The following TAF4 variants were observed in gnomAD, a reference collection of about 807,000 sequenced individuals.
TAF4 encodes TATA-box binding protein associated factor 4.
Under a neutral mutation model 90.3 loss-of-function variants are expected in TAF4, and 9 were observed. The observed-to-expected ratio is 0.10, with a 90% CI of 0.06 to 0.17. TAF4 has a LOEUF of 0.17. TAF4 is among the 10% of genes least tolerant of loss of function. The pLI, the probability that TAF4 is intolerant of heterozygous loss-of-function variation, is 1.00. For missense variants in TAF4, 1,351 were observed against 1,370.7 expected, an observed-to-expected ratio of 0.99 and a Z score of 0.23; for synonymous variants, 818 against 638.9, an observed-to-expected ratio of 1.28 and a Z score of -4.23.
intron 1 of TAF4, among the ~76,000 whole-genome samples, chr20:62,032,488 A>G (rs2055909901): frequency 6.6e-6 from 1 of 152,262 alleles, no homozygotes; most frequent in Non-Finnish European, 1.5e-5. Context: ...TCGGGGCCAC[A>G]GGCAGCGCCT....
chr20:62,023,016 T>C (rs1398313056), intron 1 of TAF4, among the ~76,000 whole-genome samples: 1 of 152,198 alleles, frequency 6.6e-6, no homozygotes, highest in Non-Finnish European at 1.5e-5. Flanking sequence ...AGTTAAGATG[T>C]CAACTCCTCC....
intron 11 of TAF4, among the ~76,000 whole-genome samples, chr20:61,999,632 GAGAGAGGC>G (rs2055685923): frequency 6.6e-6 from 1 of 152,178 alleles, no homozygotes; most frequent in South Asian, 2.1e-4. Context: ...ATGGCCCAGA[GAGAGAGGC>G]AGGTGCCTTC....
At chr20:62,056,719 G>A (rs1041812435) in intron 1 of TAF4, among the ~76,000 whole-genome samples, 13 of 152,056 alleles carry the variant, frequency 8.5e-5, no homozygotes, top group East Asian at 3.8e-4. Flanking sequence ...GAGACACCCC[G>A]AAATTTTAGC....
intron 14 of TAF4, among the ~76,000 whole-genome samples, chr20:61,991,680 T>TACA (rs1404743682): frequency 6.6e-6 from 1 of 151,554 alleles, no homozygotes; most frequent in African/African-American, 2.4e-5. Context: ...GCAAAGAAGA[T>TACA]ACAACACGTG....
In TAF4 at chr20:62,065,131, G is replaced by T. The variant is rs527409295; in HGVS notation, c.680C>A (p.Pro227Gln). ...LVNNGPAALL[P>Q]LPKPAAPGTV... ...GCCGGGGGCGGCGGGCTTGGGCAGC[G>T]GCAGCAGCGCGGCGGGCCCGTTGTT... The change falls in exon 1 of 15, where the codon CCG (proline) becomes CAG (glutamine). Residue 227 changes from proline (P) to glutamine (Q), a missense_variant. Coordinates refer to ENST00000252996, the MANE Select transcript of TAF4 (RefSeq NM_003185.4). 1.7e-6 allele frequency: 2 copies of T among 1,174,180 alleles called. No homozygotes were observed. Among genetic ancestry groups the T allele is most frequent in the East Asian group, 8.9e-5 (1 of 11,256 alleles). 72.7% of individuals were successfully genotyped at this position (1,174,180 alleles called of 1,614,324 possible).
intron 1 of TAF4, among the ~76,000 whole-genome samples, chr20:62,038,609 A>T (rs1273821419): frequency 6.6e-6 from 1 of 152,260 alleles, no homozygotes; most frequent in Non-Finnish European, 1.5e-5. Flanking sequence ...GGATACAAAC[A>T]CTGAGAACTT....
chr20:62,065,364 C>T lies in TAF4; in HGVS notation c.447G>A (p.Gly149=). The change falls in exon 1 of 15, where the codon GGG becomes GGA. Residue 149 remains glycine (G), a synonymous_variant. Transcript: ENST00000252996. ...PVPAAAAVAA[G]PEPAPAGPAK... ...CGGGGCCGGCGGGGGCGGGCTCGGG[C>T]CCCGCGGCGACGGCGGCGGCGGCGG... The T allele has an allele frequency of 1.0e-6, 1 of 965,596 alleles. No homozygotes were observed. Among genetic ancestry groups the T allele is most frequent in the Non-Finnish European group, 1.2e-6 (1 of 820,134 alleles). 59.8% of individuals were successfully genotyped at this position (965,596 alleles called of 1,614,324 possible).
intron 13 of TAF4, 58 bp downstream of exon 13, chr20:61,998,078 T>A (rs2055674831): frequency 6.6e-7 from 1 of 1,516,578 alleles, no homozygotes; most frequent in African/African-American, 1.4e-5. Context: ...CCCCCTCCCG[T>A]GGGGCGCTAC....
At chr20:62,040,223 T>C (rs1348064252) in intron 1 of TAF4, among the ~76,000 whole-genome samples, 1 of 152,190 alleles carries the variant, frequency 6.6e-6, no homozygotes, top group Admixed American at 6.5e-5. Context: ...ACAACCCAAA[T>C]ACCCATCAAC....
At chr20:61,983,407 A>T (rs908296383) in intron 14 of TAF4, among the ~76,000 whole-genome samples, 1 of 152,210 alleles carries the variant, frequency 6.6e-6, no homozygotes, top group South Asian at 2.1e-4. Context: ...TGTAATCTCA[A>T]TGCTTTGAAA....
chr20:62,015,777 T>G (rs572849650), intron 1 of TAF4, among the ~76,000 whole-genome samples: 103 of 152,268 alleles, frequency 6.8e-4, no homozygotes, highest in African/African-American at 2.3e-3. Context: ...TGGGGCTTCC[T>G]CCTCCTGCGC....
intron 14 of TAF4, among the ~76,000 whole-genome samples, chr20:61,993,706 G>C (rs2055646157): frequency 1.3e-5 from 2 of 152,156 alleles, no homozygotes; most frequent in Non-Finnish European, 2.9e-5. Context: ...GCACATAAAA[G>C]GGTGGGGGAT....
chr20:62,041,375 A>T (rs1280936854), intron 1 of TAF4, among the ~76,000 whole-genome samples: 1 of 152,220 alleles, frequency 6.6e-6, no homozygotes, highest in Non-Finnish European at 1.5e-5. Context: ...CACGCCTCAC[A>T]TCATGATGCT....
intron 1 of TAF4, among the ~76,000 whole-genome samples, chr20:62,020,157 C>T (rs145148556): frequency 2.3e-4 from 35 of 152,336 alleles, no homozygotes; most frequent in Middle Eastern, 3.4e-3. Flanking sequence ...CAAGTCACTC[C>T]GGAGCATGGC....
chr20:61,977,980 G>A (rs550791236), intron 14 of TAF4, among the ~76,000 whole-genome samples: 2 of 152,372 alleles, frequency 1.3e-5, no homozygotes, highest in South Asian at 2.1e-4. Context: ...TTTAAAGGCT[G>A]CCGAGGGTAA....
rs749261617 is a variant in TAF4, at chr20:62,014,528, A to C, written c.1521+19T>G. On this transcript the variant is annotated intron_variant, in intron 2 of 14. Transcript: ENST00000252996. ...TGGGCAGGGAAGGGGTTCGCACTCC[A>C]GGGCACACGTGCACTCACCTGTACG... 8 of 1,587,064 alleles carry C rather than the reference A, an allele frequency of 5.0e-6. No individual in the cohort carries two copies. The highest frequency in any genetic ancestry group is 4.1e-5 in the African/African-American group (3 of 73,842).
chr20:62,000,762 A>C, intron 9 of TAF4, 41 bp from the exon 10 acceptor site: 1 of 1,608,042 alleles, frequency 6.2e-7, no homozygotes, highest in African/African-American at 1.3e-5. Flanking sequence ...TGTACAAGGA[A>C]TTCATCGGGA....
intron 1 of TAF4, among the ~76,000 whole-genome samples, chr20:62,044,601 T>C (rs2055982404): frequency 6.6e-6 from 1 of 152,214 alleles, no homozygotes; most frequent in African/African-American, 2.4e-5. Context: ...AACTTTACTC[T>C]CATGTTATTG....
At chr20:61,992,826 C>T (rs1237622581) in intron 14 of TAF4, among the ~76,000 whole-genome samples, 2 of 152,158 alleles carry the variant, frequency 1.3e-5, no homozygotes, top group African/African-American at 4.8e-5. Context: ...CACGTCCCAG[C>T]GTGACTCAGG....
Sources: allele counts gnomAD v4.1 joint callset (sites outside exome capture counted in the v4.1 genomes callset), GRCh38; gene constraint gnomAD v4.1.1; transcripts MANE v1.5; gene names NCBI Gene and HGNC (gene_info 2026-07-23, HGNC 2026-07-21).